Variants in SLC25A4 observed in about 807,000 individuals in gnomAD.
SLC25A4 encodes ADP/ATP translocase 1.
Under a neutral mutation model 24.7 loss-of-function variants are expected in SLC25A4, and 10 were observed. That is an observed-to-expected ratio of 0.41 (90% CI 0.25 to 0.69). SLC25A4 has a LOEUF of 0.69. Among genes scored for constraint, SLC25A4 ranks in the 30% least tolerant of loss-of-function variants. The probability of loss-of-function intolerance (pLI) is 0.35; values close to 1 mark genes in which losing one functional copy is unlikely to be tolerated. For synonymous variants in SLC25A4, 125 were observed against 153.3 expected (o/e 0.82, Z 1.36); for missense variants, 273 against 387.6 (o/e 0.70, Z 2.48).
Position 185,144,965 on chromosome 4 carries a change from C to T in SLC25A4, c.313C>T (p.Arg105Trp), listed in dbSNP as rs761284377. The T allele has an allele frequency of 6.8e-6, 11 of 1,614,104 alleles. No individual in the cohort carries two copies. Among genetic ancestry groups the T allele is most frequent in the African/African-American group, 1.3e-5 (1 of 75,010 alleles). The change falls in exon 2 of 4, where the codon CGG becomes TGG. Residue 105 changes from arginine to tryptophan, a missense_variant. By Grantham distance (101) the Arg-to-Trp change is moderately radical (BLOSUM62 -3). Transcript: ENST00000281456. ...GCAGCTCTTCTTAGGGGGTGTGGAT[C>T]GGCATAAGCAGTTCTGGCGCTACTT... ...YKQLFLGGVD[R>W]HKQFWRYFAG...
rs961647921 is a variant in SLC25A4 at position 185,145,504 on chromosome 4, A to G, written c.598+254A>G. 1 of 665,826 alleles carries G rather than the reference A, an allele frequency of 1.5e-6. No homozygotes were observed. 41.2% of individuals were successfully genotyped at this position (665,826 alleles called of 1,614,324 possible). On this transcript the variant is annotated intron_variant, in intron 2 of 3. Transcript: ENST00000281456. The surrounding 1 kb of genome is among the most constrained non-coding windows in gnomAD (Gnocchi z 5.5). ...AGCCTGTCTCCCTCTAGACACAGCC[A>G]TAGCAGTTACTGAGTTTAACTTGAA...
rs1354408456 is a variant in SLC25A4, at chr4:185,146,795, C to T, written c.740-19C>T. ...TTCCTCCAGCGTTACGGAGCCCTCACCAGCATTTGTTTCCACAGCCGATAT... is the reference window on the plus strand; with the variant it reads ...TTCCTCCAGCGTTACGGAGCCCTCATCAGCATTTGTTTCCACAGCCGATAT... On this transcript the variant is annotated intron_variant, in intron 3 of 3. Transcript: ENST00000281456. 13 of 1,614,094 alleles carry T rather than the reference C, an allele frequency of 8.1e-6. No homozygotes were observed. Among genetic ancestry groups the T allele is most frequent in the Middle Eastern group, 1.6e-4 (1 of 6,062 alleles).
rs563565849 is a variant in SLC25A4, at chr4:185,146,785, G to A, written c.740-29G>A. 188 of 1,613,792 alleles carry A rather than the reference G, an allele frequency of 1.2e-4. 4 individuals are homozygous for A. The South Asian group carries it at 2.0e-3, about 17-fold the overall frequency. ...AAAAGTCTCTTTCCTCCAGCGTTACGGAGCCCTCACCAGCATTTGTTTCCA... is the reference window on the plus strand; with the variant it reads ...AAAAGTCTCTTTCCTCCAGCGTTACAGAGCCCTCACCAGCATTTGTTTCCA... On this transcript the variant is annotated intron_variant, in intron 3 of 3. Transcript: ENST00000281456.
chr4:185,147,075 C>A lies in SLC25A4; in HGVS notation c.*104C>A. On this transcript the variant is annotated 3_prime_UTR_variant, in exon 4 of 4. Coordinates refer to ENST00000281456, the MANE Select transcript of SLC25A4 (RefSeq NM_001151.4). ...CTATTCCTAGGGGAAGTAAAAAGATCTGGGATAAAACCAGACTGAAAGGAA... is the reference window on the plus strand; with the variant it reads ...CTATTCCTAGGGGAAGTAAAAAGATATGGGATAAAACCAGACTGAAAGGAA... 1 of 1,115,188 alleles carries A rather than the reference C, an allele frequency of 9.0e-7. No individual in the cohort carries two copies. The highest frequency in any genetic ancestry group is 1.3e-6 in the Non-Finnish European group (1 of 758,508). The allele number at this position is 1,115,188 out of a possible 1,614,324, so 69.1% of individuals were successfully genotyped here. A position where few individuals can be genotyped will look rare whatever the true frequency, so the allele number is the denominator to read the frequency against.
At position 185,145,676 on chromosome 4, in the gene SLC25A4, G is replaced by A; in HGVS notation, c.599-83G>A. On this transcript the variant is annotated intron_variant, in intron 2 of 3. Coordinates refer to ENST00000281456, the MANE Select transcript of SLC25A4 (RefSeq NM_001151.4). This position sits in a 1 kb window ranked among gnomAD's most constrained non-coding sequence, Gnocchi z 5.5. Reference sequence around the variant, plus strand: ...GCAAGGTCAGAGCATGGAGCTGGAGGTGCAGTGGCCTCTCTCCCTCCACCT... The same window carrying A: ...GCAAGGTCAGAGCATGGAGCTGGAGATGCAGTGGCCTCTCTCCCTCCACCT... 1.3e-6 allele frequency: 2 copies of A among 1,539,700 alleles called. No homozygotes were observed. Among genetic ancestry groups the A allele is most frequent in the Non-Finnish European group, 8.9e-7 (1 of 1,118,488 alleles).
chr4:185,144,761 C>T lies in SLC25A4; in HGVS notation c.112-3C>T, dbSNP rs764531561. 2 of 1,613,878 alleles carry T rather than the reference C, an allele frequency of 1.2e-6. No homozygotes were observed. Among genetic ancestry groups the T allele is most frequent in the East Asian group, 2.2e-5 (1 of 44,870 alleles). On this transcript the variant is annotated splice_region_variant and splice_polypyrimidine_tract_variant and intron_variant, in intron 1 of 3. Transcript: ENST00000281456. Reference sequence around the variant, plus strand: ...CTCTGTCACCCACCCTCCCCTCCACCAGGTCCAGCATGCCAGCAAACAGAT... The same window carrying T: ...CTCTGTCACCCACCCTCCCCTCCACTAGGTCCAGCATGCCAGCAAACAGAT...
rs1478790021 is a variant in SLC25A4 at position 185,145,650 on chromosome 4, C to G, written c.599-109C>G. 3 of 1,405,946 alleles carry G rather than the reference C, an allele frequency of 2.1e-6. No homozygotes were observed. Among genetic ancestry groups the G allele is most frequent in the Admixed American group, 1.8e-5 (1 of 54,466 alleles). The allele number at this position is 1,405,946 out of a possible 1,614,324, so 87.1% of individuals were successfully genotyped here. A position where few individuals can be genotyped will look rare whatever the true frequency, so the allele number is the denominator to read the frequency against. ...AGCACCTGCACAGGGGCAGGTTCCC[C>G]GCAAGGTCAGAGCATGGAGCTGGAG... On this transcript the variant is annotated intron_variant, in intron 2 of 3. Transcript: ENST00000281456. This position sits in a 1 kb window ranked among gnomAD's most constrained non-coding sequence, Gnocchi z 5.5.
In SLC25A4 at chr4:185,145,534, C is replaced by A. The variant is rs1734427007; in HGVS notation, c.599-225C>A. ...AGTTACTGAGTTTAACTTGAAGCCA[C>A]TTCCAATGCCCTGTATACAAGCTGA... On this transcript the variant is annotated intron_variant, in intron 2 of 3. Coordinates refer to ENST00000281456, the MANE Select transcript of SLC25A4 (RefSeq NM_001151.4). The surrounding 1 kb of genome is among the most constrained non-coding windows in gnomAD (Gnocchi z 5.5). 1.2e-5 allele frequency: 8 copies of A among 668,092 alleles called. No individual in the cohort carries two copies. Among genetic ancestry groups the A allele is most frequent in the Non-Finnish European group, 1.8e-5 (7 of 399,052 alleles). 41.4% of individuals were successfully genotyped at this position (668,092 alleles called of 1,614,324 possible). A position where few individuals can be genotyped will look rare whatever the true frequency, so the allele number is the denominator to read the frequency against.
chr4:185,143,599 G>A, intron 1 of SLC25A4, 116 bp downstream of exon 1: 1 of 153,832 alleles, frequency 6.5e-6, no homozygotes, highest in Non-Finnish European at 1.2e-5. Context: ...CAGGCCACAG[G>A]CCCGGGCGCC....
At chr4:185,143,834 C>A (rs1232316889) in intron 1 of SLC25A4, among the ~76,000 whole-genome samples, 1 of 152,072 alleles carries the variant, frequency 6.6e-6, no homozygotes, top group Non-Finnish European at 1.5e-5. Context: ...TTTTTGGCAC[C>A]GTCTTATGCG....
rs781329565 is a variant in SLC25A4, at chr4:185,145,005, C to T, written c.353C>T (p.Ala118Val). Residue 118 changes from alanine (A) to valine (V), a missense_variant, in exon 2 of 4, where the codon GCG becomes GTG. Coordinates refer to ENST00000281456, the MANE Select transcript of SLC25A4 (RefSeq NM_001151.4). The surrounding 1 kb of genome is among the most constrained non-coding windows in gnomAD (Gnocchi z 5.5). ...TGGCGCTACTTTGCTGGTAACCTGG[C>T]GTCCGGTGGGGCCGCTGGGGCCACC... ...QFWRYFAGNL[A>V]SGGAAGATSL... is the part of the protein sequence containing the mutation. 1.7e-5 allele frequency: 27 copies of T among 1,614,034 alleles called. No individual in the cohort carries two copies. Among genetic ancestry groups the T allele is most frequent in the Non-Finnish European group, 2.1e-5 (25 of 1,180,020 alleles).
rs1579209297 is a variant in SLC25A4, at chr4:185,144,690, C to A, written c.112-74C>A. On this transcript the variant is annotated intron_variant, in intron 1 of 3. Transcript: ENST00000281456. Reference sequence around the variant, plus strand: ...AAAAAAAAATCTAGGAAGTGCAAACCTTTTTTTTTCTCCTGTCCTCTTCCC... The same window carrying A: ...AAAAAAAAATCTAGGAAGTGCAAACATTTTTTTTTCTCCTGTCCTCTTCCC... 8.0e-5 allele frequency: 112 copies of A among 1,405,064 alleles called. 3 individuals are homozygous for A. In the South Asian group the frequency reaches 1.4e-3, roughly 17 times the overall value. The allele number at this position is 1,405,064 out of a possible 1,614,324, so 87.0% of individuals were successfully genotyped here. A position where few individuals can be genotyped will look rare whatever the true frequency, so the allele number is the denominator to read the frequency against.
In SLC25A4 at chr4:185,145,942, C is replaced by A; in HGVS notation, c.739+43C>A. 1 of 1,611,258 alleles carries A rather than the reference C, an allele frequency of 6.2e-7. No homozygotes were observed. The highest frequency in any genetic ancestry group is 8.5e-7 in the Non-Finnish European group (1 of 1,178,510). On this transcript the variant is annotated intron_variant, in intron 3 of 3. Transcript: ENST00000281456. The surrounding 1 kb of genome is among the most constrained non-coding windows in gnomAD (Gnocchi z 5.5). The stretch of plus-strand genomic sequence containing the variant: ...TCATCTAAACTTGTTTGGTTTTGCC[C>A]GAGGAGAACATTTTACAGGGCTCCT...
In SLC25A4 at chr4:185,145,433, C is replaced by T. The variant is rs1339647979; in HGVS notation, c.598+183C>T. The stretch of plus-strand genomic sequence containing the variant: ...GCTGAAGCGTTCCTTGTGTCCTCTA[C>T]TGAAATAAACTCTGGCCTTTAGTTA... On this transcript the variant is annotated intron_variant, in intron 2 of 3. Coordinates refer to ENST00000281456, the MANE Select transcript of SLC25A4 (RefSeq NM_001151.4). This position sits in a 1 kb window ranked among gnomAD's most constrained non-coding sequence, Gnocchi z 5.5. 2.3e-6 allele frequency: 2 copies of T among 881,158 alleles called. No individual in the cohort carries two copies. The highest frequency in any genetic ancestry group is 2.5e-5 in the Admixed American group (1 of 39,484). 54.6% of individuals were successfully genotyped at this position (881,158 alleles called of 1,614,324 possible).
In SLC25A4 at chr4:185,147,225, A is replaced by T. The variant is rs1477982493; in HGVS notation, c.*254A>T. 1.2e-5 allele frequency: 5 copies of T among 422,398 alleles called. No individual in the cohort carries two copies. Among genetic ancestry groups the T allele is most frequent in the African/African-American group, 7.9e-5 (4 of 50,462 alleles). The allele number at this position is 422,398 out of a possible 1,614,324, so 26.2% of individuals were successfully genotyped here. ...TCATACTTGTACAATTAACTGAAGA[A>T]TTGATAATAACTGAATGTGAAACAT... On this transcript the variant is annotated 3_prime_UTR_variant, in exon 4 of 4. Coordinates refer to ENST00000281456, the MANE Select transcript of SLC25A4 (RefSeq NM_001151.4).
chr4:185,145,604 T>C lies in SLC25A4; in HGVS notation c.599-155T>C. On this transcript the variant is annotated intron_variant, in intron 2 of 3. Coordinates refer to ENST00000281456, the MANE Select transcript of SLC25A4 (RefSeq NM_001151.4). The surrounding 1 kb of genome is among the most constrained non-coding windows in gnomAD (Gnocchi z 5.5). ...CGGAGAGGGCAGCAGCCACCTTTGCTGTCTGCCTGGTCATATGTGAAGCAC... is the reference window on the plus strand; with the variant it reads ...CGGAGAGGGCAGCAGCCACCTTTGCCGTCTGCCTGGTCATATGTGAAGCAC... 1 of 901,288 alleles carries C rather than the reference T, an allele frequency of 1.1e-6. No homozygotes were observed. Among genetic ancestry groups the C allele is most frequent in the Non-Finnish European group, 1.7e-6 (1 of 592,906 alleles). The allele number at this position is 901,288 out of a possible 1,614,324, so 55.8% of individuals were successfully genotyped here.
rs763311034 is a variant in SLC25A4, at chr4:185,146,935, A to G, written c.861A>G (p.Val287=). 11 of 1,613,998 alleles carry G rather than the reference A, an allele frequency of 6.8e-6. No individual in the cohort carries two copies. The African/African-American group carries it at 1.3e-4, about 20-fold the overall frequency. The part of the protein sequence containing the change: ...NVLRGMGGAF[V]LVLYDEIKKY... Reference sequence around the variant, plus strand: ...TGAGAGGCATGGGCGGTGCTTTTGTATTGGTGTTGTATGATGAGATCAAAA... The same window carrying G: ...TGAGAGGCATGGGCGGTGCTTTTGTGTTGGTGTTGTATGATGAGATCAAAA... Residue 287 remains valine, a synonymous_variant, in exon 4 of 4, where the codon GTA becomes GTG. Transcript: ENST00000281456.
In SLC25A4 at chr4:185,145,697, C is replaced by T; in HGVS notation, c.599-62C>T. ...GGAGGTGCAGTGGCCTCTCTCCCTC[C>T]ACCTGCTTTCTGCTGAGAACAGGCA... On this transcript the variant is annotated intron_variant, in intron 2 of 3. Coordinates refer to ENST00000281456, the MANE Select transcript of SLC25A4 (RefSeq NM_001151.4). The surrounding 1 kb of genome is among the most constrained non-coding windows in gnomAD (Gnocchi z 5.5). The T allele has an allele frequency of 6.2e-7, 1 of 1,603,674 alleles. No individual in the cohort carries two copies. Among genetic ancestry groups the T allele is most frequent in the East Asian group, 2.2e-5 (1 of 44,746 alleles).
At chr4:185,143,533 G>C (rs1177477976) in intron 1 of SLC25A4, 50 bp downstream of exon 1, 1 of 828,524 alleles carries the variant, frequency 1.2e-6, no homozygotes, top group East Asian at 5.7e-5. Context: ...CGGGCCGGGC[G>C]GGGCGCGCGA....
Sources: gnomAD v4.1 joint callset for allele counts (sites outside exome capture counted in the v4.1 genomes callset) on GRCh38, gnomAD v4.1.1 for gene constraint, Gnocchi (gnomAD v3.1) non-coding constraint, MANE v1.5 for transcripts, NCBI Gene and HGNC (gene_info 2026-07-23, HGNC 2026-07-21) for gene names.